SH3GL2: variants seen among roughly 807,000 people sequenced by gnomAD.
The protein encoded by SH3GL2 is endophilin-A1.
SH3GL2 carries 24 observed loss-of-function variants against 46.0 expected under a neutral mutation model. The ratio of observed to expected loss-of-function variants is 0.52; its 90% CI spans 0.38 to 0.73. SH3GL2 has a LOEUF of 0.73. Among genes scored for constraint, SH3GL2 ranks in the 30% least tolerant of loss-of-function variants. SH3GL2 has a pLI of 0.00. For synonymous variants in SH3GL2, 196 were observed against 147.1 expected (o/e 1.33, Z -2.40); for missense variants, 413 against 424.2 (o/e 0.97, Z 0.23).
chr9:17,681,575 T>G (rs1179998736), intron 1 of SH3GL2, among the ~76,000 whole-genome samples: 1 of 152,096 alleles, frequency 6.6e-6, no homozygotes, highest in Admixed American at 6.6e-5. Context: ...AAGACTTAAA[T>G]GTAAAACCCC....
chr9:17,787,779 C>T (rs1477865998), intron 5 of SH3GL2, among the ~76,000 whole-genome samples: 4 of 151,976 alleles, frequency 2.6e-5, no homozygotes, highest in African/African-American at 7.3e-5. Context: ...GACTTTTTCT[C>T]CAGAGGATAA....
intron 1 of SH3GL2, among the ~76,000 whole-genome samples, chr9:17,671,499 T>A (rs886078704): frequency 6.6e-6 from 1 of 152,210 alleles, no homozygotes; most frequent in Non-Finnish European, 1.5e-5. Flanking sequence ...TTAGATTGAT[T>A]GTATCACAGA....
At chr9:17,771,566 G>A (rs1393785033) in intron 3 of SH3GL2, among the ~76,000 whole-genome samples, 1 of 152,328 alleles carries the variant, frequency 6.6e-6, no homozygotes, top group East Asian at 1.9e-4. Flanking sequence ...GATGATGTTA[G>A]TACACTGAGG....
rs769261439 is a variant in SH3GL2 at position 17,738,429 on chromosome 9, C to T, written c.46-8637C>T. Among the ~76,000 whole-genome samples, 95 of 151,206 alleles carry T rather than the reference C, an allele frequency of 6.3e-4. No individual in the cohort carries two copies. The Middle Eastern group carries it at 0.014, about 22-fold the overall frequency. On this transcript the variant is annotated intron_variant, in intron 1 of 8. Transcript: ENST00000380607. ...GGTAGAAATTGTAGCAGTTAGGGTT[C>T]TCCAGAGAAACAGAATGGTGAGACA...
rs1276364611 is a variant in SH3GL2 at position 17,687,451 on chromosome 9, GAC to G, written c.46-59614_46-59613del. On this transcript the variant is annotated intron_variant, in intron 1 of 8. Coordinates refer to ENST00000380607, the MANE Select transcript of SH3GL2 (RefSeq NM_003026.5). The stretch of plus-strand genomic sequence containing the variant: ...GAATGGTAACACTGAGACTGTTTTT[GAC>G]TCTGTAACAGGGTACATAGGTTCAA... Among the ~76,000 whole-genome samples, 9 of 110,724 alleles carry G rather than the reference GAC, an allele frequency of 8.1e-5. No individual in the cohort carries two copies. The South Asian group carries it at 2.2e-3, about 27-fold the overall frequency. 72.6% of individuals were successfully genotyped at this position (110,724 alleles called of 152,430 possible). A position where few individuals can be genotyped will look rare whatever the true frequency, so the allele number is the denominator to read the frequency against.
At chr9:17,734,074 A>G (rs993914029) in intron 1 of SH3GL2, among the ~76,000 whole-genome samples, 9 of 152,082 alleles carry the variant, frequency 5.9e-5, no homozygotes, top group African/African-American at 2.2e-4. Flanking sequence ...CGAGAATTGC[A>G]TTTTGAAATA....
chr9:17,597,572 C>T (rs1177956888), intron 1 of SH3GL2, among the ~76,000 whole-genome samples: 1 of 151,914 alleles, frequency 6.6e-6, no homozygotes, highest in African/African-American at 2.4e-5. Flanking sequence ...GTAGATGTAG[C>T]ATAATTGAAC....
intron 1 of SH3GL2, among the ~76,000 whole-genome samples, chr9:17,648,148 C>A (rs73420512): frequency 6.6e-6 from 1 of 152,108 alleles, no homozygotes; most frequent in African/African-American, 2.4e-5. Context: ...TAACAGTAGG[C>A]TATTAGTAGT....
intron 1 of SH3GL2, among the ~76,000 whole-genome samples, chr9:17,690,302 C>G (rs559401927): frequency 1.3e-5 from 2 of 152,262 alleles, no homozygotes; most frequent in East Asian, 3.9e-4. Context: ...GGCGAGGCCT[C>G]AGGCACTGCA....
At chr9:17,658,225 A>G (rs182496364) in intron 1 of SH3GL2, among the ~76,000 whole-genome samples, 1,628 of 152,334 alleles carry the variant, frequency 0.011, 21 homozygotes, top group Non-Finnish European at 0.016. Context: ...ACCCCAGTCT[A>G]GAGCATCTGC....
At chr9:17,729,313 T>C (rs968948880) in intron 1 of SH3GL2, among the ~76,000 whole-genome samples, 1 of 151,694 alleles carries the variant, frequency 6.6e-6, no homozygotes, top group African/African-American at 2.4e-5. Context: ...TTGATGGGGA[T>C]TTTTTTTTCT....
At chr9:17,622,788 A>C (rs1284972883) in intron 1 of SH3GL2, among the ~76,000 whole-genome samples, 2 of 152,062 alleles carry the variant, frequency 1.3e-5, no homozygotes, top group Non-Finnish European at 2.9e-5. Context: ...ATGGATCCTG[A>C]GCCTCACCTT....
At chr9:17,650,346 G>C (rs376016675) in intron 1 of SH3GL2, among the ~76,000 whole-genome samples, 1 of 152,018 alleles carries the variant, frequency 6.6e-6, no homozygotes, top group East Asian at 1.9e-4. Context: ...AAGATTATTT[G>C]AGGTGATATC....
intron 1 of SH3GL2, among the ~76,000 whole-genome samples, chr9:17,670,733 A>G (rs1441512689): frequency 2.6e-5 from 4 of 152,312 alleles, no homozygotes; most frequent in African/African-American, 9.6e-5. Flanking sequence ...TTTCTCAATT[A>G]TTCTTTTTAA....
At chr9:17,678,343 G>C (rs1473663921) in intron 1 of SH3GL2, among the ~76,000 whole-genome samples, 1 of 152,120 alleles carries the variant, frequency 6.6e-6, no homozygotes, top group East Asian at 1.9e-4. Context: ...GGTATGAGAT[G>C]GTATCTCATT....
At chr9:17,766,487 G>A (rs1045969103) in intron 3 of SH3GL2, among the ~76,000 whole-genome samples, 13 of 152,066 alleles carry the variant, frequency 8.5e-5, no homozygotes, top group Non-Finnish European at 1.8e-4. Context: ...GATGCCTTAC[G>A]GGGGAGCAAA....
At chr9:17,743,892 A>G (rs1009594543) in intron 1 of SH3GL2, among the ~76,000 whole-genome samples, 1 of 152,232 alleles carries the variant, frequency 6.6e-6, no homozygotes. Flanking sequence ...AGGATTCTCT[A>G]TTAATGAAAG....
chr9:17,766,569 C>T (rs1183534002), intron 3 of SH3GL2, among the ~76,000 whole-genome samples: 2 of 152,138 alleles, frequency 1.3e-5, no homozygotes, highest in East Asian at 3.9e-4. Context: ...CTAGAAACCA[C>T]ATTATACAAG....
At chr9:17,636,989 G>T (rs761313998) in intron 1 of SH3GL2, among the ~76,000 whole-genome samples, 2 of 152,166 alleles carry the variant, frequency 1.3e-5, no homozygotes, top group Non-Finnish European at 2.9e-5. Flanking sequence ...CTTGTAGTAG[G>T]TTACTTGCTC....
Sources: gnomAD v4.1 joint callset for allele counts (sites outside exome capture counted in the v4.1 genomes callset) on GRCh38, gnomAD v4.1.1 for gene constraint, MANE v1.5 for transcripts, NCBI Gene and HGNC (gene_info 2026-07-23, HGNC 2026-07-21) for gene names.